SPOCK3: variants seen among roughly 807,000 people sequenced by gnomAD.
SPOCK3 encodes the protein SPARC (osteonectin), cwcv and kazal like domains proteoglycan 3.
SPOCK3 carries 30 observed loss-of-function variants against 56.6 expected under a neutral mutation model. The observed-to-expected ratio is 0.53, with a 90% confidence interval of 0.40 to 0.72. The LOEUF is 0.72. Among genes scored for constraint, SPOCK3 ranks in the 30% least tolerant of loss-of-function variants. SPOCK3 has a pLI of 0.00. For missense variants in SPOCK3, 527 were observed against 530.0 expected (o/e 0.99, Z 0.06); for synonymous variants, 196 against 183.3 (o/e 1.07, Z -0.56).
intron 2 of SPOCK3, among the ~76,000 whole-genome samples, chr4:167,225,887 C>A (rs1218591444): frequency 6.6e-6 from 1 of 152,096 alleles, no homozygotes; most frequent in African/African-American, 2.4e-5. Context: ...AGATTGTTTT[C>A]TTTGCTTTCA....
At chr4:166,822,869 A>C (rs1745072248) in intron 6 of SPOCK3, among the ~76,000 whole-genome samples, 2 of 152,018 alleles carry the variant, frequency 1.3e-5, no homozygotes, top group South Asian at 4.1e-4. Context: ...ATTTGGTTTA[A>C]TATCTTCTTT....
At position 167,064,972 on chromosome 4, in the gene SPOCK3, T is replaced by G. The variant is rs77459766; in HGVS notation, c.190-2435A>C. On this transcript the variant is annotated intron_variant, in intron 2 of 10. Transcript: ENST00000357545. Reference sequence around the variant, plus strand: ...ATTACTGCTCACCAAATCCTTTGTTTTTCTGATTTCTTACAAACAGCCATA... The same window carrying G: ...ATTACTGCTCACCAAATCCTTTGTTGTTCTGATTTCTTACAAACAGCCATA... Among the ~76,000 whole-genome samples the G allele has an allele frequency of 1.0e-3, 146 of 143,086 alleles. 4 individuals carry two copies. In the East Asian group the frequency reaches 0.029, roughly 28 times the overall value. The allele number at this position is 143,086 out of a possible 152,430, so 93.9% of individuals were successfully genotyped here.
chr4:167,067,496 T>G (rs1374548452), intron 2 of SPOCK3, among the ~76,000 whole-genome samples: 1 of 151,840 alleles, frequency 6.6e-6, no homozygotes, highest in Non-Finnish European at 1.5e-5. Flanking sequence ...ATGCCCATAT[T>G]CTAAGCAAAT....
intron 6 of SPOCK3, among the ~76,000 whole-genome samples, chr4:166,849,234 C>A (rs529971768): frequency 3.9e-5 from 6 of 152,142 alleles, no homozygotes; most frequent in African/African-American, 1.4e-4. Context: ...GTATTCATTC[C>A]TGTTTCTATA....
chr4:166,789,223 A>G (rs964151552), intron 7 of SPOCK3, among the ~76,000 whole-genome samples: 1 of 152,018 alleles, frequency 6.6e-6, no homozygotes, highest in Non-Finnish European at 1.5e-5. Context: ...TGAGGTCAGG[A>G]GTTCAAAACC....
intron 7 of SPOCK3, among the ~76,000 whole-genome samples, chr4:166,780,516 C>A (rs770053107): frequency 4.6e-5 from 7 of 151,994 alleles, no homozygotes; most frequent in African/African-American, 9.7e-5. Flanking sequence ...TCCCTACATA[C>A]CTTATGGAAG....
chr4:167,138,309 A>G (rs1377193151), intron 2 of SPOCK3, among the ~76,000 whole-genome samples: 2 of 151,932 alleles, frequency 1.3e-5, no homozygotes, highest in African/African-American at 4.8e-5. Flanking sequence ...TTTTCCTTCA[A>G]TGTTTAGTCC....
chr4:167,060,350 G>C (rs1165787023), intron 3 of SPOCK3, among the ~76,000 whole-genome samples: 1 of 150,974 alleles, frequency 6.6e-6, no homozygotes, highest in African/African-American at 2.4e-5. Context: ...GGAAGAGTCT[G>C]TCACCAAGAA....
intron 4 of SPOCK3, among the ~76,000 whole-genome samples, chr4:166,972,225 G>T (rs544455314): frequency 4.7e-4 from 71 of 152,234 alleles, no homozygotes; most frequent in South Asian, 1.9e-3. Context: ...AAAGCCTTCA[G>T]CAGCTTCAGA....
chr4:167,178,542 A>C (rs183909890), intron 2 of SPOCK3, among the ~76,000 whole-genome samples: 127 of 152,278 alleles, frequency 8.3e-4, no homozygotes, highest in African/African-American at 2.9e-3. Context: ...TTATGTTAAC[A>C]ATTGGAATAC....
intron 6 of SPOCK3, among the ~76,000 whole-genome samples, chr4:166,842,823 C>T (rs1056282223): frequency 6.6e-6 from 1 of 152,232 alleles, no homozygotes; most frequent in Non-Finnish European, 1.5e-5. Context: ...CCTGCCAGTC[C>T]CGCACTGCCG....
intron 6 of SPOCK3, among the ~76,000 whole-genome samples, chr4:166,833,818 A>G (rs1746335115): frequency 6.6e-6 from 1 of 151,920 alleles, no homozygotes; most frequent in Middle Eastern, 3.2e-3. Context: ...TGGTAGCCAA[A>G]CTCTGTCTTC....
chr4:166,812,846 A>T (rs1217156421), intron 6 of SPOCK3, among the ~76,000 whole-genome samples: 1 of 152,008 alleles, frequency 6.6e-6, no homozygotes, highest in African/African-American at 2.4e-5. Context: ...ACAGAGTAAC[A>T]ATACATTATG....
intron 4 of SPOCK3, among the ~76,000 whole-genome samples, chr4:166,922,741 C>G (rs879689766): frequency 6.6e-6 from 1 of 152,148 alleles, no homozygotes; most frequent in African/African-American, 2.4e-5. Context: ...CACTTACAAG[C>G]ACGCAGGAAG....
intron 6 of SPOCK3, among the ~76,000 whole-genome samples, chr4:166,840,187 G>A (rs1175498253): frequency 6.6e-6 from 1 of 152,150 alleles, no homozygotes; most frequent in Admixed American, 6.5e-5. Flanking sequence ...GATTTGTATT[G>A]ACACTTGAGT....
chr4:167,041,435 T>C (rs1428305926), intron 3 of SPOCK3, among the ~76,000 whole-genome samples: 1 of 152,164 alleles, frequency 6.6e-6, no homozygotes, highest in Non-Finnish European at 1.5e-5. Flanking sequence ...AAAACTAGTA[T>C]CTAGAAGATC....
intron 9 of SPOCK3, 74 bp from the exon 10 acceptor site, chr4:166,737,678 C>G: frequency 6.7e-7 from 1 of 1,487,336 alleles, no homozygotes; most frequent in East Asian, 2.3e-5. Context: ...TTCTGAGAAG[C>G]ACCCATTATG....
At chr4:166,895,186 A>G (rs908863011) in intron 5 of SPOCK3, among the ~76,000 whole-genome samples, 2 of 152,086 alleles carry the variant, frequency 1.3e-5, no homozygotes, top group Admixed American at 6.6e-5. Flanking sequence ...TATTGGTATG[A>G]TACATATGAT....
intron 6 of SPOCK3, among the ~76,000 whole-genome samples, chr4:166,870,016 T>A (rs903538078): frequency 6.6e-6 from 1 of 152,056 alleles, no homozygotes; most frequent in Non-Finnish European, 1.5e-5. Flanking sequence ...GATGTCCTCA[T>A]GGGGAGGATC....
Sources: allele counts gnomAD v4.1 joint callset (sites outside exome capture counted in the v4.1 genomes callset), GRCh38; gene constraint gnomAD v4.1.1; transcripts MANE v1.5; gene names NCBI Gene and HGNC (gene_info 2026-07-23, HGNC 2026-07-21).